SLC35F3: variants seen among roughly 807,000 people sequenced by gnomAD.
The protein encoded by SLC35F3 is solute carrier family 35 member F3, also known as putative thiamine transporter SLC35F3.
SLC35F3 carries 25 observed loss-of-function variants against 49.9 expected under a neutral mutation model. That is an observed-to-expected ratio of 0.50 (90% CI 0.37 to 0.70). The LOEUF is 0.70. Ranked by LOEUF, SLC35F3 falls within the 30% of genes least tolerant of loss-of-function variation. SLC35F3 has a pLI of 0.00. For synonymous variants in SLC35F3, 275 were observed against 265.4 expected (o/e 1.04, Z -0.35); for missense variants, 525 against 639.8 (o/e 0.82, Z 1.94).
chr1:233,913,591 C>T (rs141242540), intron 2 of SLC35F3, among the ~76,000 whole-genome samples: 2 of 152,170 alleles, frequency 1.3e-5, no homozygotes, highest in African/African-American at 4.8e-5. Flanking sequence ...CAGAGTATCT[C>T]GATCAATAAA....
intron 2 of SLC35F3, among the ~76,000 whole-genome samples, chr1:234,157,398 G>A (rs1666170465): frequency 1.3e-5 from 2 of 151,910 alleles, no homozygotes; most frequent in Non-Finnish European, 1.5e-5. Context: ...CTCCTACCTC[G>A]TGCAATAGCC....
intron 2 of SLC35F3, among the ~76,000 whole-genome samples, chr1:234,129,123 A>G (rs1401687750): frequency 1.3e-5 from 2 of 152,192 alleles, no homozygotes; most frequent in Admixed American, 1.3e-4. Flanking sequence ...GCAAGCTAGA[A>G]GAAGGCAAGT....
chr1:233,925,059 G>A (rs889723955), intron 2 of SLC35F3, among the ~76,000 whole-genome samples: 14 of 152,114 alleles, frequency 9.2e-5, no homozygotes, highest in Admixed American at 2.6e-4. Context: ...CCAACTATGT[G>A]GTCAATTTTG....
chr1:234,145,703 G>A (rs976879654), intron 2 of SLC35F3, among the ~76,000 whole-genome samples: 1 of 152,028 alleles, frequency 6.6e-6, no homozygotes, highest in Non-Finnish European at 1.5e-5. Context: ...ATTATTTACA[G>A]TATACAGAAG....
At chr1:234,175,480 C>G (rs1666462441) in intron 2 of SLC35F3, among the ~76,000 whole-genome samples, 4 of 152,048 alleles carry the variant, frequency 2.6e-5, no homozygotes, top group African/African-American at 9.7e-5. Flanking sequence ...GAAGAAATAG[C>G]AACCCCACAC....
At chr1:234,181,483 T>C (rs1466518536) in intron 2 of SLC35F3, among the ~76,000 whole-genome samples, 4 of 152,180 alleles carry the variant, frequency 2.6e-5, no homozygotes, top group Non-Finnish European at 5.9e-5. Flanking sequence ...CATTTTTAAA[T>C]AGTTTGTTTG....
At chr1:234,006,190 C>T (rs1663628148) in intron 2 of SLC35F3, among the ~76,000 whole-genome samples, 1 of 152,196 alleles carries the variant, frequency 6.6e-6, no homozygotes, top group Non-Finnish European at 1.5e-5. Context: ...CTTCTCAAGA[C>T]TCTGTTTCCC....
chr1:234,030,481 C>T (rs1664045961), intron 2 of SLC35F3, among the ~76,000 whole-genome samples: 1 of 152,186 alleles, frequency 6.6e-6, no homozygotes, highest in Non-Finnish European at 1.5e-5. Context: ...TCTGGGTCAA[C>T]TTTGAATATG....
chr1:234,110,361 G>A (rs2102887484), intron 2 of SLC35F3, among the ~76,000 whole-genome samples: 1 of 152,334 alleles, frequency 6.6e-6, no homozygotes, highest in Admixed American at 6.5e-5. Flanking sequence ...ACTCACACCG[G>A]TTCTCAAATC....
chr1:233,962,223 T>G (rs1171527844), intron 2 of SLC35F3, among the ~76,000 whole-genome samples: 2 of 152,238 alleles, frequency 1.3e-5, no homozygotes, highest in Non-Finnish European at 2.9e-5. Context: ...TATGCATTTG[T>G]ATGTTTGCTT....
At chr1:234,072,826 G>T (rs1664737463) in intron 2 of SLC35F3, among the ~76,000 whole-genome samples, 1 of 152,210 alleles carries the variant, frequency 6.6e-6, no homozygotes. Flanking sequence ...GGCCTCAGAG[G>T]TCTTGTAAGG....
chr1:234,204,006 G>A (rs1015335966), intron 2 of SLC35F3, among the ~76,000 whole-genome samples: 1 of 152,130 alleles, frequency 6.6e-6, no homozygotes, highest in Non-Finnish European at 1.5e-5. Flanking sequence ...TCAAATGCAT[G>A]CCTTTTTTCC....
chr1:234,305,529 C>T (rs1408902787), intron 3 of SLC35F3, among the ~76,000 whole-genome samples: 2 of 151,886 alleles, frequency 1.3e-5, no homozygotes, highest in African/African-American at 4.8e-5. Flanking sequence ...ACTACAGGCG[C>T]GCACCACCAT....
At chr1:234,028,668 A>G (rs1217768720) in intron 2 of SLC35F3, among the ~76,000 whole-genome samples, 1 of 152,254 alleles carries the variant, frequency 6.6e-6, no homozygotes, top group African/African-American at 2.4e-5. Context: ...ATACTAATAC[A>G]GAGCAAGAGA....
At chr1:234,232,592 G>A (rs11810628) in intron 3 of SLC35F3, among the ~76,000 whole-genome samples, 1,788 of 151,188 alleles carry the variant, frequency 0.012, 41 homozygotes, top group African/African-American at 0.042. Flanking sequence ...GACACAGTAG[G>A]CCCTGGAAAC....
At chr1:234,183,198 T>C (rs1163274916) in intron 2 of SLC35F3, among the ~76,000 whole-genome samples, 2 of 142,302 alleles carry the variant, frequency 1.4e-5, no homozygotes, top group African/African-American at 4.9e-5. Context: ...TGTATTTTTT[T>C]GTAGAGGCAG....
At chr1:234,237,304 A>T (rs539061827) in intron 3 of SLC35F3, among the ~76,000 whole-genome samples, 3 of 152,200 alleles carry the variant, frequency 2.0e-5, no homozygotes, top group South Asian at 4.2e-4. Flanking sequence ...AAGAACTTTG[A>T]GTGTGAATCC....
chr1:234,190,205 A>G (rs935861654), intron 2 of SLC35F3, among the ~76,000 whole-genome samples: 4 of 152,218 alleles, frequency 2.6e-5, no homozygotes, highest in African/African-American at 9.6e-5. Context: ...TGAATTGAAT[A>G]GTACCTCACA....
rs12031976 is a variant in SLC35F3, at chr1:234,189,295, C to T, written c.284-42122C>T. ...GGAGGTACCAGAGAAAGGTGAAGTCCGACTTAAGGAAATTTTTAAAAATAT... is the reference window on the plus strand; with the variant it reads ...GGAGGTACCAGAGAAAGGTGAAGTCTGACTTAAGGAAATTTTTAAAAATAT... On this transcript the variant is annotated intron_variant, in intron 2 of 7. Coordinates refer to ENST00000366618, the MANE Select transcript of SLC35F3 (RefSeq NM_173508.4). Among the ~76,000 whole-genome samples, 27 of 150,782 alleles carry T rather than the reference C, an allele frequency of 1.8e-4. No homozygotes were observed. In the East Asian group the frequency reaches 3.9e-3, roughly 22 times the overall value.
Sources: allele counts gnomAD v4.1 joint callset (sites outside exome capture counted in the v4.1 genomes callset), GRCh38; gene constraint gnomAD v4.1.1; transcripts MANE v1.5; gene names NCBI Gene and HGNC (gene_info 2026-07-23, HGNC 2026-07-21).